NPFFR2: variants seen among roughly 807,000 people sequenced by gnomAD.
The protein encoded by NPFFR2 is neuropeptide FF receptor 2, also known as G-protein coupled receptor 74.
In NPFFR2, 15 loss-of-function variants were observed where a neutral mutation model predicts 13.1. The observed-to-expected ratio is 1.15, with a 90% CI of 0.77 to 1.76. The LOEUF (loss-of-function observed/expected upper bound fraction) is 1.76. Ranked by LOEUF, NPFFR2 falls within the 40% of genes most tolerant of loss-of-function variation. NPFFR2 has a pLI of 0.00. For synonymous variants in NPFFR2, 190 were observed against 175.7 expected (o/e 1.08, Z -0.65); for missense variants, 572 against 503.5 (o/e 1.14, Z -1.30).
chr4:72,048,069 G>A (rs146933603), intron 1 of NPFFR2, among the ~76,000 whole-genome samples: 17 of 151,956 alleles, frequency 1.1e-4, no homozygotes, highest in African/African-American at 3.4e-4. Flanking sequence ...TTACACACAC[G>A]TATATTACAC....
intron 1 of NPFFR2, among the ~76,000 whole-genome samples, chr4:72,114,424 G>C (rs1355049045): frequency 6.6e-6 from 1 of 152,064 alleles, no homozygotes; most frequent in Non-Finnish European, 1.5e-5. Flanking sequence ...CACATGTGTA[G>C]ATAGTAATCT....
intron 1 of NPFFR2, among the ~76,000 whole-genome samples, chr4:72,081,642 C>A (rs1374297426): frequency 6.6e-6 from 1 of 152,078 alleles, no homozygotes; most frequent in African/African-American, 2.4e-5. Flanking sequence ...TGCATGCCAC[C>A]ACACCTGGCT....
intron 1 of NPFFR2, among the ~76,000 whole-genome samples, chr4:72,043,880 T>A (rs775376800): frequency 6.6e-6 from 1 of 152,128 alleles, no homozygotes; most frequent in Admixed American, 6.5e-5. Flanking sequence ...GACATGAGAT[T>A]TGGGAGGGTC....
At chr4:72,083,053 A>G (rs1720673217) in intron 1 of NPFFR2, among the ~76,000 whole-genome samples, 1 of 151,576 alleles carries the variant, frequency 6.6e-6, no homozygotes, top group African/African-American at 2.4e-5. Context: ...ATTCATATGT[A>G]TATGTGTGTG....
intron 2 of NPFFR2, among the ~76,000 whole-genome samples, chr4:72,130,397 T>C (rs2109836097): frequency 6.6e-6 from 1 of 152,240 alleles, no homozygotes; most frequent in East Asian, 1.9e-4. Flanking sequence ...GATGCAACAA[T>C]ATTAATGATT....
intron 1 of NPFFR2, among the ~76,000 whole-genome samples, chr4:72,083,917 A>C (rs1464324965): frequency 4.0e-5 from 6 of 151,112 alleles, no homozygotes; most frequent in Admixed American, 4.0e-4. Context: ...TCAAAGCTAG[A>C]GCGTGTTTGC....
At chr4:72,136,448 G>C (rs933911363) in intron 2 of NPFFR2, among the ~76,000 whole-genome samples, 5 of 152,170 alleles carry the variant, frequency 3.3e-5, no homozygotes, top group African/African-American at 1.2e-4. Flanking sequence ...CTTAGCTTCT[G>C]TGTTTCAGAG....
At chr4:72,120,192 G>A (rs1721828081) in intron 1 of NPFFR2, among the ~76,000 whole-genome samples, 1 of 152,180 alleles carries the variant, frequency 6.6e-6, no homozygotes, top group Non-Finnish European at 1.5e-5. Context: ...CAAAGCCACA[G>A]TAGCCAGACT....
chr4:72,108,467 G>C (rs544730614), intron 1 of NPFFR2, among the ~76,000 whole-genome samples: 27 of 151,848 alleles, frequency 1.8e-4, no homozygotes, highest in Non-Finnish European at 3.8e-4. Flanking sequence ...CCAATTCACT[G>C]TCTGAACTCA....
chr4:72,104,147 C>T lies in NPFFR2; in HGVS notation c.-7-24438C>T, dbSNP rs187208082. ...GGATCTCAGCTACATCCATGTGATC[C>T]CTCAGCCATATTTAGGTCTTTCGAT... is the stretch of plus-strand genomic sequence containing the variant. On this transcript the variant is annotated intron_variant, in intron 1 of 3. Coordinates refer to ENST00000308744, the MANE Select transcript of NPFFR2 (RefSeq NM_004885.3). Among the ~76,000 whole-genome samples the T allele has an allele frequency of 4.1e-3, 628 of 152,062 alleles. 4 individuals are homozygous for T. The highest frequency in any genetic ancestry group is 0.02 in the Middle Eastern group (6 of 294).
intron 1 of NPFFR2, among the ~76,000 whole-genome samples, chr4:72,074,008 GGGTTTCACTTTCCAGGGTTTCACT>G: frequency 1.3e-4 from 1 of 7,856 alleles, no homozygotes; most frequent in South Asian, 3.9e-3. Flanking sequence ...CACTTTCCAT[GGGTTTCACTTTCCAGGGTTTCACT>G]TTCCATGGTT....
chr4:72,057,882 C>A (rs1719800800), intron 1 of NPFFR2, among the ~76,000 whole-genome samples: 2 of 151,962 alleles, frequency 1.3e-5, no homozygotes, highest in Non-Finnish European at 2.9e-5. Context: ...AGTACCGTGT[C>A]ACTTCTACCA....
intron 1 of NPFFR2, among the ~76,000 whole-genome samples, chr4:72,093,221 T>A (rs1311599123): frequency 2.0e-5 from 3 of 152,198 alleles, no homozygotes; most frequent in African/African-American, 7.2e-5. Flanking sequence ...TAGGTTTTCC[T>A]TTATAGTTTA....
intron 1 of NPFFR2, among the ~76,000 whole-genome samples, chr4:72,116,003 A>G (rs1721702412): frequency 6.6e-6 from 1 of 152,198 alleles, no homozygotes; most frequent in Admixed American, 6.5e-5. Flanking sequence ...AAAATTAAAA[A>G]TTAGTCATTT....
intron 1 of NPFFR2, among the ~76,000 whole-genome samples, chr4:72,123,020 GAAGAA>G (rs1721934930): frequency 6.6e-6 from 1 of 151,960 alleles, no homozygotes; most frequent in Non-Finnish European, 1.5e-5. Context: ...CATTAATAAA[GAAGAA>G]AAGAGAGAAG....
At chr4:72,146,751 T>C in intron 3 of NPFFR2, 1 of 474,238 alleles carries the variant, frequency 2.1e-6, no homozygotes, top group African/African-American at 2.0e-5. Context: ...TACTTTTTAT[T>C]ATTAATAGTG....
intron 1 of NPFFR2, chr4:72,069,000 A>G (rs756409391): frequency 1.5e-6 from 2 of 1,377,592 alleles, no homozygotes; most frequent in East Asian, 2.8e-5. Flanking sequence ...ATAAGAGTGA[A>G]GCATGTAGAT....
At chr4:72,118,921 ATAGG>A (rs2109825766) in intron 1 of NPFFR2, among the ~76,000 whole-genome samples, 1 of 152,304 alleles carries the variant, frequency 6.6e-6, no homozygotes, top group African/African-American at 2.4e-5. Flanking sequence ...TTTTTGAAAG[ATAGG>A]ATATAGCATA....
At chr4:72,135,586 C>T (rs1373046378) in intron 2 of NPFFR2, among the ~76,000 whole-genome samples, 1 of 151,998 alleles carries the variant, frequency 6.6e-6, no homozygotes, top group African/African-American at 2.4e-5. Context: ...CATGATACAA[C>T]AGTATCATGA....
Sources: allele counts gnomAD v4.1 joint callset (sites outside exome capture counted in the v4.1 genomes callset), GRCh38; gene constraint gnomAD v4.1.1; transcripts MANE v1.5; gene names NCBI Gene and HGNC (gene_info 2026-07-23, HGNC 2026-07-21).